The following HIRA variants were observed in gnomAD, a reference collection of about 807,000 sequenced individuals.
The protein encoded by HIRA is protein HIRA.
HIRA carries 13 observed loss-of-function variants against 126.6 expected under a neutral mutation model. The observed-to-expected ratio is 0.10, with a 90% CI of 0.07 to 0.16. The LOEUF (loss-of-function observed/expected upper bound fraction) is 0.16. Ranked by LOEUF, HIRA falls within the 10% of genes least tolerant of loss-of-function variation. HIRA has a pLI of 1.00. For synonymous variants in HIRA, 511 were observed against 520.0 expected (o/e 0.98, Z 0.24); for missense variants, 834 against 1,314.4 (o/e 0.63, Z 5.65).
Position 19,374,970 on chromosome 22 carries a change from G to A in HIRA, c.1775+661C>T, listed in dbSNP as rs566662749. On this transcript the variant is annotated intron_variant, in intron 15 of 24. Transcript: ENST00000263208. The stretch of plus-strand genomic sequence containing the variant: ...CTCCTTGTCAAGCTAGGCTTGGAGG[G>A]AGGGGCCCTCTCAGGAGGCAGAGAA... Among the ~76,000 whole-genome samples the A allele has an allele frequency of 1.2e-4, 18 of 152,372 alleles. No homozygotes were observed. The East Asian group carries it at 2.7e-3, about 23-fold the overall frequency.
At chr22:19,362,445 T>G (rs568318867) in intron 15 of HIRA, among the ~76,000 whole-genome samples, 1 of 152,210 alleles carries the variant, frequency 6.6e-6, no homozygotes, top group Admixed American at 6.5e-5. Flanking sequence ...ATAATATTAT[T>G]TGAAAGTAGA....
At chr22:19,426,678 C>A (rs1209744482) in intron 1 of HIRA, among the ~76,000 whole-genome samples, 1 of 152,210 alleles carries the variant, frequency 6.6e-6, no homozygotes, top group Non-Finnish European at 1.5e-5. Context: ...CTGGTCCCCA[C>A]AGAACTCTTA....
At position 19,420,469 on chromosome 22, in the gene HIRA, A is replaced by AAAAC. The variant is rs764377595; in HGVS notation, c.38-9692_38-9691insGTTT. On this transcript the variant is annotated intron_variant, in intron 1 of 24. Coordinates refer to ENST00000263208, the MANE Select transcript of HIRA (RefSeq NM_003325.4). ...CAACAAAAAAAACTGTCTCAAAAAA[A>AAAAC]AAAAAAAAAAAACCAAACCAAAACA... Among the ~76,000 whole-genome samples the AAAAC allele has an allele frequency of 5.2e-3, 690 of 131,560 alleles. 16 individuals are homozygous for AAAAC. The highest frequency in any genetic ancestry group is 0.016 in the African/African-American group (608 of 39,112). 86.3% of individuals were successfully genotyped at this position (131,560 alleles called of 152,430 possible).
chr22:19,370,784 T>G (rs2088957818), intron 15 of HIRA, among the ~76,000 whole-genome samples: 1 of 152,224 alleles, frequency 6.6e-6, no homozygotes, highest in South Asian at 2.1e-4. Context: ...CAGCCCCAAG[T>G]GAATGCTCAC....
chr22:19,335,209 AT>A (rs2088551550), intron 24 of HIRA, among the ~76,000 whole-genome samples: 1 of 148,078 alleles, frequency 6.8e-6, no homozygotes, highest in Non-Finnish European at 1.5e-5. Context: ...TACAAACTAC[AT>A]TTTCATTATT....
intron 1 of HIRA, among the ~76,000 whole-genome samples, chr22:19,426,073 C>T (rs999999444): frequency 2.7e-4 from 41 of 152,124 alleles, no homozygotes; most frequent in African/African-American, 9.9e-4. Context: ...CCCAAATCTA[C>T]AGTCACCTGC....
At chr22:19,354,163 T>C (rs368233041) in intron 21 of HIRA, 45 bp from the exon 22 acceptor site, 20 of 1,591,764 alleles carry the variant, frequency 1.3e-5, no homozygotes, top group Admixed American at 3.5e-5. Flanking sequence ...AACCAAGAGA[T>C]CTGGTTGGCC....
chr22:19,386,135 A>G (rs762128841), intron 11 of HIRA, among the ~76,000 whole-genome samples: 29 of 152,210 alleles, frequency 1.9e-4, no homozygotes, highest in Non-Finnish European at 3.7e-4. Context: ...ATCCTAGAAC[A>G]AAAGTCTACT....
intron 15 of HIRA, 47 bp from the exon 16 acceptor site, chr22:19,361,978 CAAGA>C (rs1378546417): frequency 1.3e-6 from 2 of 1,566,282 alleles, no homozygotes; most frequent in East Asian, 2.2e-5. Flanking sequence ...ACCATTCATG[CAAGA>C]AAGAGTGAAG....
chr22:19,387,962 T>C (rs1015840342), intron 10 of HIRA, 146 bp from the exon 11 acceptor site: 16 of 186,248 alleles, frequency 8.6e-5, no homozygotes, highest in African/African-American at 3.9e-4. Flanking sequence ...GTTCCCTTCT[T>C]TGGCCTGGGC....
At chr22:19,414,769 C>A (rs950273434) in intron 1 of HIRA, among the ~76,000 whole-genome samples, 1 of 152,184 alleles carries the variant, frequency 6.6e-6, no homozygotes, top group Admixed American at 6.5e-5. Flanking sequence ...CGCCGGTAAT[C>A]CCAGCACTTT....
chr22:19,360,032 G>T (rs1188562671), intron 17 of HIRA, among the ~76,000 whole-genome samples: 1 of 152,204 alleles, frequency 6.6e-6, no homozygotes, highest in African/African-American at 2.4e-5. Context: ...GGGTGTTTAT[G>T]GCACAGCATG....
chr22:19,402,034 C>T (rs553355458), intron 5 of HIRA, among the ~76,000 whole-genome samples: 2 of 152,288 alleles, frequency 1.3e-5, no homozygotes, highest in East Asian at 1.9e-4. Flanking sequence ...CCAAGGCCTT[C>T]GCACTGGCTG....
In HIRA at chr22:19,378,003, G is replaced by C. The variant is rs115877869; in HGVS notation, c.1479C>G (p.Leu493=). 23 of 1,611,180 alleles carry C rather than the reference G, an allele frequency of 1.4e-5. No homozygotes were observed. In the African/African-American group the frequency reaches 2.4e-4, roughly 17 times the overall value. ...PLSGSLAGTM[L]SSHSSPQLLP... ...GTAGCTGTGGACTGCTATGAGAAGA[G>C]AGCATGGTGCCCGCCAGGGAGCCCG... The change falls in exon 14 of 25, where the codon CTC becomes CTG. Residue 493 remains leucine (L), a synonymous_variant. Coordinates refer to ENST00000263208, the MANE Select transcript of HIRA (RefSeq NM_003325.4).
Position 19,412,342 on chromosome 22 carries a change from T to C in HIRA, c.38-1564A>G, listed in dbSNP as rs116570705. On this transcript the variant is annotated intron_variant, in intron 1 of 24. Coordinates refer to ENST00000263208, the MANE Select transcript of HIRA (RefSeq NM_003325.4). ...ATTCGAGCCATCCCAGCAGATTCCATAGAGCCAAGATGAGCTGAACCTGCT... is the reference window on the plus strand; with the variant it reads ...ATTCGAGCCATCCCAGCAGATTCCACAGAGCCAAGATGAGCTGAACCTGCT... Among the ~76,000 whole-genome samples, 802 of 152,296 alleles carry C rather than the reference T, an allele frequency of 5.3e-3. 14 individuals are homozygous for C. The highest frequency in any genetic ancestry group is 0.019 in the African/African-American group (781 of 41,560).
intron 1 of HIRA, among the ~76,000 whole-genome samples, chr22:19,425,075 C>T (rs532731052): frequency 2.8e-4 from 43 of 152,316 alleles, no homozygotes; most frequent in African/African-American, 8.9e-4. Context: ...CATCACATGG[C>T]TGTTCCTCAA....
chr22:19,430,437 G>A (rs1321220145), intron 1 of HIRA, among the ~76,000 whole-genome samples: 2 of 152,142 alleles, frequency 1.3e-5, no homozygotes, highest in African/African-American at 4.8e-5. Context: ...AAACGAAAAA[G>A]CCACATGTTA....
intron 1 of HIRA, among the ~76,000 whole-genome samples, chr22:19,430,802 T>C (rs1308481837): frequency 6.6e-6 from 1 of 152,226 alleles, no homozygotes; most frequent in Non-Finnish European, 1.5e-5. Flanking sequence ...AAGGGTGTGC[T>C]TTGGAGCCAC....
At chr22:19,411,628 G>A (rs1335667543) in intron 1 of HIRA, among the ~76,000 whole-genome samples, 1 of 152,254 alleles carries the variant, frequency 6.6e-6, no homozygotes, top group East Asian at 1.9e-4. Context: ...CCAGTGTACA[G>A]TAGCGCAGTA....
Sources: allele counts gnomAD v4.1 joint callset (sites outside exome capture counted in the v4.1 genomes callset), GRCh38; gene constraint gnomAD v4.1.1; transcripts MANE v1.5; gene names NCBI Gene and HGNC (gene_info 2026-07-23, HGNC 2026-07-21).